Variants in DOP1A observed in about 807,000 individuals in gnomAD.
DOP1A encodes the protein protein DOP1A.
DOP1A carries 90 observed loss-of-function variants against 267.6 expected under a neutral mutation model. The observed-to-expected ratio is 0.34, with a 90% CI of 0.28 to 0.40. The LOEUF (loss-of-function observed/expected upper bound fraction) is 0.40. DOP1A is among the 10% of genes least tolerant of loss of function. The pLI, the probability that DOP1A is intolerant of heterozygous loss-of-function variation, is 1.00. For synonymous variants in DOP1A, 932 were observed against 999.1 expected, an observed-to-expected ratio of 0.93 and a Z score of 1.27; for missense variants, 2,437 against 2,900.4, an observed-to-expected ratio of 0.84 and a Z score of 3.67.
At position 83,132,252 on chromosome 6, in the gene DOP1A, A is replaced by C; in HGVS notation, c.2693A>C (p.Tyr898Ser). The C allele has an allele frequency of 6.2e-7, 1 of 1,613,886 alleles. No homozygotes were observed. Among genetic ancestry groups the C allele is most frequent in the Non-Finnish European group, 8.5e-7 (1 of 1,179,850 alleles). ...QHHQKSVELF[Y>S]QLHNLVPSSS... Reference sequence around the variant, plus strand: ...CACCAGAAGAGTGTGGAACTATTTTATCAATTACATAACTTAGTTCCTTCT... The same window carrying C: ...CACCAGAAGAGTGTGGAACTATTTTCTCAATTACATAACTTAGTTCCTTCT... The change falls in exon 18 of 39, where the codon TAT (tyrosine) becomes TCT (serine). Residue 898 changes from tyrosine to serine, a missense_variant. By Grantham distance (144) the Tyr-to-Ser change is moderately radical. Transcript: ENST00000349129.
At chr6:83,124,419 T>G (rs929066881) in intron 12 of DOP1A, among the ~76,000 whole-genome samples, 1 of 152,094 alleles carries the variant, frequency 6.6e-6, no homozygotes, top group African/African-American at 2.4e-5. Flanking sequence ...GGAGGTGATA[T>G]CTATACAGGA....
In DOP1A at chr6:83,145,648, C is replaced by T; in HGVS notation, c.5666C>T (p.Ala1889Val). Residue 1889 changes from alanine (A) to valine (V), a missense_variant, in exon 25 of 39, where the codon GCC (alanine) becomes GTC (valine). Around this residue, in one of 9 missense-constraint regions of DOP1A, gnomAD observed 307 missense variants for 308.6 expected, o/e 0.99. Transcript: ENST00000349129. ...GTTTTAAAGCAGCCACCAGCCATAG[C>T]CAAGGACAAGGTAAGAAAAAACTCT... ...KEVLKQPPAI[A>V]KDKKHLSLEV... The T allele has an allele frequency of 2.5e-6, 4 of 1,612,226 alleles. No homozygotes were observed. The South Asian group carries it at 3.3e-5, about 13-fold the overall frequency.
In DOP1A at chr6:83,138,828, G is replaced by A; in HGVS notation, c.4786G>A (p.Val1596Ile). 1 of 1,614,046 alleles carries A rather than the reference G, an allele frequency of 6.2e-7. No homozygotes were observed. The highest frequency in any genetic ancestry group is 8.5e-7 in the Non-Finnish European group (1 of 1,179,954). ...LQRLIVLEHR[V>I]MTIPEENETG... ...GAGGCTGATTGTTCTAGAACACAGA[G>A]TAATGACTATTCCTGAAGAGAATGA... Residue 1596 changes from valine (V) to isoleucine (I), a missense_variant, in exon 21 of 39, where the codon GTA becomes ATA. Physicochemically the swap from Val to Ile is conservative, Grantham distance 29. Transcript: ENST00000349129.
At position 83,135,640 on chromosome 6, in the gene DOP1A, T is replaced by C. The variant is rs965460527; in HGVS notation, c.2892T>C (p.Asp964=). The C allele has an allele frequency of 3.1e-6, 5 of 1,613,222 alleles. No individual in the cohort carries two copies. Among genetic ancestry groups the C allele is most frequent in the African/African-American group, 2.7e-5 (2 of 74,870 alleles). ...TTAGGTCACTGTTCATCATGTTAGA[T>C]AGCCTTAACAGTCTCGATGGTTCTA... ...SFDRSLFIML[D]SLNSLDGSTS... is the part of the protein sequence containing the mutation. Residue 964 remains aspartate, a synonymous_variant, in exon 20 of 39, where the codon GAT becomes GAC. Transcript: ENST00000349129.
chr6:83,128,537 T>A (rs1480906543), intron 15 of DOP1A, among the ~76,000 whole-genome samples: 1 of 152,224 alleles, frequency 6.6e-6, no homozygotes, highest in Non-Finnish European at 1.5e-5. Flanking sequence ...TTTGTAGTTA[T>A]TAAAATGTCA....
At chr6:83,130,066 A>G in intron 16 of DOP1A, 57 bp from the exon 17 acceptor site, 1 of 1,563,172 alleles carries the variant, frequency 6.4e-7, no homozygotes, top group Non-Finnish European at 8.7e-7. Flanking sequence ...ATTAACTTAG[A>G]GTGTGTGTGA....
At chr6:83,113,460 G>A in intron 7 of DOP1A, 39 bp downstream of exon 7, 4 of 1,518,626 alleles carry the variant, frequency 2.6e-6, no homozygotes, top group Non-Finnish European at 3.7e-6. Flanking sequence ...AGGCATTCTT[G>A]GAAAACTGTA....
At chr6:83,101,978 AT>A (rs1386770915) in intron 4 of DOP1A, among the ~76,000 whole-genome samples, 1 of 152,134 alleles carries the variant, frequency 6.6e-6, no homozygotes, top group African/African-American at 2.4e-5. Context: ...TTCATCTGAC[AT>A]TTCCCATTTT....
Position 83,162,927 on chromosome 6 carries a change from A to G in DOP1A, c.7092+8A>G, listed in dbSNP as rs1401307928. 2.5e-6 allele frequency: 4 copies of G among 1,608,638 alleles called. No homozygotes were observed. In the African/African-American group the frequency reaches 4.0e-5, roughly 16 times the overall value. ...CTTCGGAAAAGAGCAAAGGTATCGC[A>G]TTCTTTTGTGATTGTTTTGTTTTAC... is the stretch of plus-strand genomic sequence containing the variant. On this transcript the variant is annotated splice_region_variant and intron_variant, in intron 38 of 38. Coordinates refer to ENST00000349129, the MANE Select transcript of DOP1A (RefSeq NM_015018.4).
At chr6:83,116,066 T>C (rs928643600) in intron 7 of DOP1A, among the ~76,000 whole-genome samples, 2 of 152,220 alleles carry the variant, frequency 1.3e-5, no homozygotes, top group Admixed American at 1.3e-4. Context: ...ATTTGTTCTT[T>C]TGGTTAAAGT....
intron 1 of DOP1A, among the ~76,000 whole-genome samples, chr6:83,090,594 CAG>C (rs1770176034): frequency 6.6e-6 from 1 of 152,064 alleles, no homozygotes; most frequent in East Asian, 1.9e-4. Context: ...GAAATAAGCA[CAG>C]AGATAAAAGT....
intron 26 of DOP1A, 95 bp downstream of exon 26, chr6:83,147,386 C>T (rs750229740): frequency 6.4e-5 from 37 of 578,330 alleles, no homozygotes; most frequent in Non-Finnish European, 9.5e-5. Flanking sequence ...AGTGTCTTAA[C>T]GACCCAGCCA....
rs139827939 is a variant in DOP1A at position 83,137,166 on chromosome 6, A to T, written c.3131-7A>T. On this transcript the variant is annotated splice_polypyrimidine_tract_variant and splice_region_variant and intron_variant, in intron 20 of 38. Transcript: ENST00000349129. ...TTTCTTCTTTTACTGTTTTTCTCAT[A>T]TATCAGTGAGCCAAGTACAACTCAT... 125 of 1,522,940 alleles carry T rather than the reference A, an allele frequency of 8.2e-5. 1 individual carries two copies. The African/African-American group carries it at 1.3e-3, about 15-fold the overall frequency. 94.3% of individuals were successfully genotyped at this position (1,522,940 alleles called of 1,614,324 possible).
chr6:83,072,964 A>C (rs770443926), intron 1 of DOP1A: 1 of 358,814 alleles, frequency 2.8e-6, no homozygotes, highest in South Asian at 2.2e-5. Flanking sequence ...CTGTGAAAAA[A>C]TAGAACATAG....
intron 20 of DOP1A, 32 bp downstream of exon 20, chr6:83,135,910 T>G: frequency 6.3e-6 from 10 of 1,598,212 alleles, no homozygotes; most frequent in Non-Finnish European, 6.8e-6. Context: ...ACAGCTTTAT[T>G]TAGAATTATT....
chr6:83,146,533 G>T (rs1780677120), intron 25 of DOP1A, among the ~76,000 whole-genome samples: 1 of 152,062 alleles, frequency 6.6e-6, no homozygotes, highest in Admixed American at 6.6e-5. Context: ...AACACATGAG[G>T]GATATGAAAA....
rs372106962 is a variant in DOP1A, at chr6:83,138,575, C to T, written c.4533C>T (p.Phe1511=). Residue 1511 remains phenylalanine (F), a synonymous_variant, in exon 21 of 39, where the codon TTC becomes TTT. Coordinates refer to ENST00000349129, the MANE Select transcript of DOP1A (RefSeq NM_015018.4). ...TAATAGAAAGCTCAGCGAAGGGTTTCCCTAGTTTTATTTCTGATATGTTAT... is the reference window on the plus strand; with the variant it reads ...TAATAGAAAGCTCAGCGAAGGGTTTTCCTAGTTTTATTTCTGATATGTTAT... The part of the protein sequence containing the change: ...AKVIESSAKG[F]PSFISDMLSK... The T allele has an allele frequency of 6.9e-5, 111 of 1,613,822 alleles. No individual in the cohort carries two copies. The highest frequency in any genetic ancestry group is 1.0e-4 in the Admixed American group (6 of 59,980).
At chr6:83,090,795 C>A (rs7775624) in intron 1 of DOP1A, among the ~76,000 whole-genome samples, 4,286 of 152,114 alleles carry the variant, frequency 0.028, 149 homozygotes, top group East Asian at 0.084. Flanking sequence ...CTGAGAACTG[C>A]AATTTGTATG....
chr6:83,148,940 A>G, intron 27 of DOP1A, 77 bp downstream of exon 27: 3 of 829,310 alleles, frequency 3.6e-6, no homozygotes, highest in East Asian at 3.2e-5. Flanking sequence ...TTAGTAATAG[A>G]TATTTTAGGT....
Sources: allele counts gnomAD v4.1 joint callset (sites outside exome capture counted in the v4.1 genomes callset), GRCh38; gene constraint gnomAD v4.1.1; regional missense constraint gnomAD v4.1.1; transcripts MANE v1.5; gene names NCBI Gene and HGNC (gene_info 2026-07-23, HGNC 2026-07-21).